Variants in HPSE2 observed in about 807,000 individuals in gnomAD.
HPSE2 encodes heparanase 2 (inactive), also known as inactive heparanase-2.
HPSE2 carries 38 observed loss-of-function variants against 60.5 expected under a neutral mutation model. The observed-to-expected ratio is 0.63, with a 90% CI of 0.48 to 0.82. The LOEUF is 0.82. Ranked by LOEUF, HPSE2 falls within the 40% of genes least tolerant of loss-of-function variation. HPSE2 has a pLI of 0.00. For missense variants in HPSE2, 713 were observed against 740.4 expected (o/e 0.96, Z 0.43); for synonymous variants, 295 against 293.2 (o/e 1.01, Z -0.06).
At position 99,188,486 on chromosome 10, in the gene HPSE2, T is replaced by C. The variant is rs941248865; in HGVS notation, c.448+43862A>G. Among the ~76,000 whole-genome samples, 3 of 152,190 alleles carry C rather than the reference T, an allele frequency of 2.0e-5. No homozygotes were observed. In the East Asian group the frequency reaches 5.8e-4, roughly 29 times the overall value. On this transcript the variant is annotated intron_variant, in intron 2 of 11. Coordinates refer to ENST00000370552, the MANE Select transcript of HPSE2 (RefSeq NM_021828.5). The stretch of plus-strand genomic sequence containing the variant: ...AGAAGGAACAGGAATTCTTTTAAAA[T>C]CATTTGCAAAGGTTATCTCTTGTTT...
intron 6 of HPSE2, among the ~76,000 whole-genome samples, chr10:98,648,783 A>G: frequency 6.6e-6 from 1 of 152,330 alleles, no homozygotes; most frequent in South Asian, 2.1e-4. Context: ...AAAACACATA[A>G]TAGATACAAA....
chr10:98,459,428 C>T lies in HPSE2; in HGVS notation c.*146G>A, dbSNP rs1034145501. The stretch of plus-strand genomic sequence containing the variant: ...AAGATCACGCTATGACATTTAGTCT[C>T]TTTGGAGAGCAAGTCTGTGTTGATT... On this transcript the variant is annotated 3_prime_UTR_variant, in exon 12 of 12. Transcript: ENST00000370552. 3 of 926,388 alleles carry T rather than the reference C, an allele frequency of 3.2e-6. No individual in the cohort carries two copies. The highest frequency in any genetic ancestry group is 5.3e-6 in the Non-Finnish European group (3 of 565,096). The allele number at this position is 926,388 out of a possible 1,614,324, so 57.4% of individuals were successfully genotyped here. A position where few individuals can be genotyped will look rare whatever the true frequency, so the allele number is the denominator to read the frequency against.
chr10:98,568,196 T>C (rs1485363673), intron 9 of HPSE2, among the ~76,000 whole-genome samples: 1 of 152,240 alleles, frequency 6.6e-6, no homozygotes, highest in African/African-American at 2.4e-5. Flanking sequence ...CTGTTGACCC[T>C]GCTGAGACAG....
intron 3 of HPSE2, among the ~76,000 whole-genome samples, chr10:98,979,809 A>C (rs181310522): frequency 6.6e-6 from 1 of 152,300 alleles, no homozygotes; most frequent in African/African-American, 2.4e-5. Context: ...TTTCCAAAGG[A>C]TATTTAAGCA....
chr10:98,482,909 A>G (rs1941297961), intron 10 of HPSE2, 127 bp from the exon 11 acceptor site: 3 of 928,588 alleles, frequency 3.2e-6, no homozygotes, highest in East Asian at 2.6e-5. Context: ...CTTGGCCACC[A>G]TAGACCCTAA....
intron 3 of HPSE2, among the ~76,000 whole-genome samples, chr10:98,991,037 T>G (rs913969270): frequency 6.6e-6 from 1 of 152,212 alleles, no homozygotes; most frequent in Non-Finnish European, 1.5e-5. Flanking sequence ...CACTTTTTTC[T>G]CATACCATTT....
intron 1 of HPSE2, among the ~76,000 whole-genome samples, chr10:99,233,322 C>G (rs943269261): frequency 2.0e-5 from 3 of 152,178 alleles, no homozygotes; most frequent in African/African-American, 7.2e-5. Context: ...CCGAGTTAGG[C>G]TCCATCTTTC....
intron 3 of HPSE2, among the ~76,000 whole-genome samples, chr10:98,801,982 C>T (rs1714807061): frequency 1.3e-5 from 2 of 152,050 alleles, no homozygotes; most frequent in South Asian, 2.1e-4. Flanking sequence ...ACCGTACTGG[C>T]TTAAAAACAT....
chr10:98,509,604 C>G (rs1942319693), intron 9 of HPSE2, among the ~76,000 whole-genome samples: 2 of 151,868 alleles, frequency 1.3e-5, no homozygotes, highest in African/African-American at 4.8e-5. Flanking sequence ...TGGGTTCAAG[C>G]AAATCTCTTG....
In HPSE2 at chr10:98,926,804, T is replaced by C. The variant is rs182907375; in HGVS notation, c.611-182748A>G. Among the ~76,000 whole-genome samples the C allele has an allele frequency of 9.8e-5, 15 of 152,352 alleles. No individual in the cohort carries two copies. The East Asian group carries it at 2.7e-3, about 27-fold the overall frequency. ...TATTTTTCCCATGCCAGGAAAAGTC[T>C]GCTCCCAAACTGTAAATTAAAAGAA... On this transcript the variant is annotated intron_variant, in intron 3 of 11. Transcript: ENST00000370552.
chr10:99,019,081 C>G (rs1221162819), intron 3 of HPSE2, among the ~76,000 whole-genome samples: 1 of 152,164 alleles, frequency 6.6e-6, no homozygotes, highest in Non-Finnish European at 1.5e-5. Flanking sequence ...ATTGGCAGCC[C>G]TGCTGGATGA....
the HPSE2 span, among the ~76,000 whole-genome samples, chr10:99,308,575 G>A: frequency 3.3e-5 from 5 of 152,082 alleles, no homozygotes; most frequent in Middle Eastern, 3.4e-3. Context: ...ATACTTGCCA[G>A]CAGCACCTGT....
chr10:98,849,009 G>A (rs562871517), intron 3 of HPSE2, among the ~76,000 whole-genome samples: 19 of 140,230 alleles, frequency 1.4e-4, no homozygotes, highest in African/African-American at 5.2e-4. Flanking sequence ...CAGTCGAGTG[G>A]GAAAGACAAA....
At chr10:99,286,845 A>T in the HPSE2 span, among the ~76,000 whole-genome samples, 2 of 152,210 alleles carry the variant, frequency 1.3e-5, no homozygotes, top group African/African-American at 4.8e-5. Context: ...ACTGCTTAAT[A>T]GGATAGTCTC....
At chr10:99,262,842 C>T in the HPSE2 span, among the ~76,000 whole-genome samples, 2 of 152,110 alleles carry the variant, frequency 1.3e-5, no homozygotes, top group Admixed American at 1.3e-4. Context: ...ATAAACCTAG[C>T]TGACCCCATA....
chr10:98,776,410 G>A (rs1310347842), intron 3 of HPSE2, among the ~76,000 whole-genome samples: 2 of 152,106 alleles, frequency 1.3e-5, no homozygotes, highest in East Asian at 3.8e-4. Flanking sequence ...TCACGCCATT[G>A]TACTCCAGGC....
Position 98,901,545 on chromosome 10 carries a change from G to C in HPSE2, c.611-157489C>G, listed in dbSNP as rs143474166. 2.6e-3 allele frequency among the ~76,000 whole-genome samples: 392 copies of C among 152,228 alleles called. 3 individuals are homozygous for C. The highest frequency in any genetic ancestry group is 4.7e-3 in the Non-Finnish European group (320 of 68,010). On this transcript the variant is annotated intron_variant, in intron 3 of 11. Coordinates refer to ENST00000370552, the MANE Select transcript of HPSE2 (RefSeq NM_021828.5). Reference sequence around the variant, plus strand: ...TGCCTTGCCCACTTCTTGACAGCTCGGTCAGAAAATCTTTCCATGCTGAGT... The same window carrying C: ...TGCCTTGCCCACTTCTTGACAGCTCCGTCAGAAAATCTTTCCATGCTGAGT...
chr10:98,862,637 T>C (rs1008484812), intron 3 of HPSE2, among the ~76,000 whole-genome samples: 2 of 152,166 alleles, frequency 1.3e-5, no homozygotes, highest in Non-Finnish European at 2.9e-5. Context: ...AGAATCCCTA[T>C]AGAAGCTTTT....
intron 2 of HPSE2, among the ~76,000 whole-genome samples, chr10:99,156,839 T>A (rs1406816656): frequency 1.2e-5 from 1 of 84,550 alleles, no homozygotes; most frequent in Non-Finnish European, 3.3e-5. Flanking sequence ...CATGATTGTA[T>A]ATCTAGAAAA....
Sources: gnomAD v4.1 joint callset for allele counts (sites outside exome capture counted in the v4.1 genomes callset) on GRCh38, gnomAD v4.1.1 for gene constraint, MANE v1.5 for transcripts, NCBI Gene and HGNC (gene_info 2026-07-23, HGNC 2026-07-21) for gene names.